ABI3BP: variants seen among roughly 807,000 people sequenced by gnomAD.
ABI3BP encodes ABI family member 3 binding protein, also known as target of Nesh-SH3.
In ABI3BP, 216 loss-of-function variants were observed where a neutral mutation model predicts 268.6. The observed-to-expected ratio is 0.80, with a 90% CI of 0.72 to 0.90. The LOEUF (loss-of-function observed/expected upper bound fraction) is 0.90. Ranked by LOEUF, ABI3BP falls within the 40% of genes least tolerant of loss-of-function variation. The pLI is 0.00. For synonymous variants in ABI3BP, 730 were observed against 730.0 expected (o/e 1.00, Z 0.00); for missense variants, 2,090 against 2,182.4 (o/e 0.96, Z 0.84).
chr3:100,851,815 AGAACCACCAAGTGTTG>A, intron 15 of ABI3BP, 44 bp downstream of exon 15: 1 of 1,413,116 alleles, frequency 7.1e-7, no homozygotes, highest in Non-Finnish European at 9.6e-7. Context: ...AACTAAAGGA[AGAACCACCAAGTGTTG>A]GAACACCTGG....
intron 1 of ABI3BP, among the ~76,000 whole-genome samples, chr3:100,956,089 G>A (rs2076726521): frequency 6.6e-6 from 1 of 151,906 alleles, no homozygotes; most frequent in Non-Finnish European, 1.5e-5. Flanking sequence ...TTGGGAGGCT[G>A]AGGCAGGGAG....
chr3:100,941,674 T>G lies in ABI3BP; in HGVS notation c.80-15193A>C, dbSNP rs148048816. 2.7e-3 allele frequency among the ~76,000 whole-genome samples: 405 copies of G among 152,246 alleles called. 1 individual carries two copies. In the Middle Eastern group the frequency reaches 0.027, roughly 10 times the overall value. On this transcript the variant is annotated intron_variant, in intron 1 of 67. Transcript: ENST00000471714. ...GATGACTGAATGAGACAGACTGAAC[T>G]GCCAATGTGGACATTTCAGCACCAA...
chr3:100,841,194 CTTTTTTTTTTTTTT>C (rs60261694), intron 21 of ABI3BP, among the ~76,000 whole-genome samples: 89 of 39,632 alleles, frequency 2.2e-3, no homozygotes, highest in African/African-American at 7.2e-3. Flanking sequence ...CATTAGAACA[CTTTTTTTTTTTTTT>C]TTTTTTTTTT....
intron 53 of ABI3BP, among the ~76,000 whole-genome samples, chr3:100,795,328 G>A (rs1013520584): frequency 6.6e-6 from 1 of 152,000 alleles, no homozygotes; most frequent in Admixed American, 6.6e-5. Context: ...GAGCATGCAT[G>A]ATTACCAAAT....
At chr3:100,952,504 A>C (rs1443899967) in intron 1 of ABI3BP, 2 of 152,186 alleles carry the variant, frequency 1.3e-5, no homozygotes, top group East Asian at 3.8e-4. Flanking sequence ...TAAACACTCT[A>C]ATTGTAATTT....
At chr3:100,895,805 G>T (rs1161746273) in intron 4 of ABI3BP, among the ~76,000 whole-genome samples, 1 of 152,220 alleles carries the variant, frequency 6.6e-6, no homozygotes, top group Non-Finnish European at 1.5e-5. Context: ...TATGAGGGTA[G>T]ATTTCTCCAA....
At chr3:100,811,675 G>T (rs2097863416) in intron 47 of ABI3BP, 53 bp downstream of exon 47, 9 of 1,488,854 alleles carry the variant, frequency 6.0e-6, no homozygotes, top group Non-Finnish European at 8.1e-6. Flanking sequence ...TGTAACTGAT[G>T]TTAATTTAAA....
At chr3:100,850,310 T>C (rs1035464500) in intron 16 of ABI3BP, among the ~76,000 whole-genome samples, 191 bp from the exon 17 acceptor site, 4 of 152,176 alleles carry the variant, frequency 2.6e-5, no homozygotes, top group South Asian at 2.1e-4. Context: ...AGAATGATGA[T>C]TGTTCAGTAG....
chr3:100,780,521 G>A (rs9850273), intron 57 of ABI3BP, among the ~76,000 whole-genome samples: 46,925 of 151,738 alleles, frequency 0.31, 9,714 homozygotes, highest in African/African-American at 0.59. Context: ...TTCATTTATG[G>A]TAACTGGCCA....
Position 100,875,495 on chromosome 3 carries a change from G to A in ABI3BP, c.817+13C>T, listed in dbSNP as rs765905920. 6.3e-6 allele frequency: 10 copies of A among 1,594,184 alleles called. No individual in the cohort carries two copies. The highest frequency in any genetic ancestry group is 5.0e-5 in the Admixed American group (3 of 59,932). On this transcript the variant is annotated intron_variant, in intron 8 of 67. Coordinates refer to ENST00000471714, the MANE Select transcript of ABI3BP (RefSeq NM_001375547.2). ...TTTGCTTAATCTCGGCATAGATTTCGAGATCCACTCACCTAGTATCACTCC... is the reference window on the plus strand; with the variant it reads ...TTTGCTTAATCTCGGCATAGATTTCAAGATCCACTCACCTAGTATCACTCC...
chr3:100,963,913 C>T (rs560718730), intron 1 of ABI3BP, among the ~76,000 whole-genome samples: 13 of 152,204 alleles, frequency 8.5e-5, no homozygotes, highest in Non-Finnish European at 1.8e-4. Context: ...CTTATAAAAG[C>T]CTCCTCTGAC....
At chr3:100,840,997 AG>A (rs2098687619) in intron 21 of ABI3BP, 139 bp from the exon 22 acceptor site, 1 of 679,976 alleles carries the variant, frequency 1.5e-6, no homozygotes, top group Non-Finnish European at 2.3e-6. Context: ...CCACATGCAA[AG>A]TTTCTTTTCT....
chr3:100,760,418 T>TC (rs941500899), intron 63 of ABI3BP, among the ~76,000 whole-genome samples: 1 of 152,154 alleles, frequency 6.6e-6, no homozygotes, highest in Non-Finnish European at 1.5e-5. Flanking sequence ...TAGGAAGAAC[T>TC]CCGTCCATCA....
intron 4 of ABI3BP, among the ~76,000 whole-genome samples, chr3:100,894,953 A>C (rs1224109696): frequency 1.0e-4 from 12 of 118,150 alleles, no homozygotes; most frequent in African/African-American, 3.2e-4. Flanking sequence ...AAAAAAAAAA[A>C]AAAAAAAAAA....
intron 22 of ABI3BP, 107 bp from the exon 23 acceptor site, chr3:100,840,271 G>T: frequency 1.2e-6 from 1 of 854,132 alleles, no homozygotes. Context: ...GATTTACTGT[G>T]GACATGTTTC....
chr3:100,805,872 AT>A (rs1337247627), intron 50 of ABI3BP, among the ~76,000 whole-genome samples: 4 of 151,984 alleles, frequency 2.6e-5, no homozygotes, highest in African/African-American at 9.6e-5. Context: ...ACTATTATAA[AT>A]TTTTTTTCCA....
At chr3:100,885,126 T>G (rs2041323390) in intron 6 of ABI3BP, among the ~76,000 whole-genome samples, 1 of 152,102 alleles carries the variant, frequency 6.6e-6, no homozygotes. Flanking sequence ...GCTCCATTGT[T>G]GTGAAAAAGA....
intron 14 of ABI3BP, among the ~76,000 whole-genome samples, chr3:100,861,645 A>G (rs2098999854): frequency 6.6e-6 from 1 of 152,150 alleles, no homozygotes; most frequent in African/African-American, 2.4e-5. Context: ...TTTTTGTAAA[A>G]GAAACATATC....
intron 14 of ABI3BP, among the ~76,000 whole-genome samples, chr3:100,860,730 A>T (rs2098988559): frequency 6.6e-6 from 1 of 152,180 alleles, no homozygotes; most frequent in Non-Finnish European, 1.5e-5. Flanking sequence ...ATAGAAACCA[A>T]ACACTGGATA....
Sources: allele counts gnomAD v4.1 joint callset (sites outside exome capture counted in the v4.1 genomes callset), GRCh38; gene constraint gnomAD v4.1.1; transcripts MANE v1.5; gene names NCBI Gene and HGNC (gene_info 2026-07-23, HGNC 2026-07-21).